CAPN8: variants seen among roughly 807,000 people sequenced by gnomAD.
CAPN8 encodes the protein calpain-8.
In CAPN8, 87 loss-of-function variants were observed where a neutral mutation model predicts 80.9. That is an observed-to-expected ratio of 1.07 (90% CI 0.90 to 1.28). The LOEUF (loss-of-function observed/expected upper bound fraction) is 1.28, where lower values mean the gene tolerates loss of function less well. CAPN8 is among the 50% of genes most tolerant of loss of function. CAPN8 has a pLI of 0.00. For missense variants in CAPN8, 757 were observed against 702.0 expected (o/e 1.08, Z -0.89); for synonymous variants, 299 against 273.8 (o/e 1.09, Z -0.91).
chr1:223,644,672 G>A (rs369151305), intron 2 of CAPN8, among the ~76,000 whole-genome samples: 124 of 152,252 alleles, frequency 8.1e-4, no homozygotes, highest in Admixed American at 1.2e-3. Context: ...GCTAGGAAAC[G>A]CAAGGCAGTC....
intron 19 of CAPN8, 122 bp downstream of exon 19, chr1:223,543,945 C>A: frequency 1.6e-6 from 1 of 628,036 alleles, no homozygotes; most frequent in South Asian, 1.9e-5. Flanking sequence ...GAAGCCCTGT[C>A]TATCATTTTC....
At chr1:223,614,511 A>G (rs1657115915) in intron 10 of CAPN8, among the ~76,000 whole-genome samples, 2 of 152,198 alleles carry the variant, frequency 1.3e-5, no homozygotes, top group African/African-American at 4.8e-5. Context: ...CAAGCTGCCA[A>G]GAAATGTCCT....
chr1:223,644,461 A>G (rs1265863221), intron 2 of CAPN8: 1 of 163,222 alleles, frequency 6.1e-6, no homozygotes, highest in East Asian at 1.8e-4. Flanking sequence ...CTTATTCTAC[A>G]GATATTTACT....
intron 14 of CAPN8, among the ~76,000 whole-genome samples, 187 bp downstream of exon 14, chr1:223,553,645 C>T (rs911781401): frequency 6.0e-4 from 91 of 152,260 alleles, no homozygotes; most frequent in African/African-American, 2.2e-3. Context: ...GACCAATTCC[C>T]AAGTGATGAA....
intron 1 of CAPN8, among the ~76,000 whole-genome samples, chr1:223,656,586 G>A (rs1333333304): frequency 4.0e-5 from 6 of 151,212 alleles, no homozygotes; most frequent in African/African-American, 1.2e-4. Flanking sequence ...CTCAGAGTCC[G>A]CACTGGTAGC....
intron 2 of CAPN8, among the ~76,000 whole-genome samples, chr1:223,638,360 G>T (rs544357255): frequency 2.0e-5 from 3 of 150,646 alleles, no homozygotes; most frequent in Non-Finnish European, 4.4e-5. Context: ...GACTGTATGG[G>T]GTGTGTGTGT....
At chr1:223,554,795 T>A (rs1179820143) in intron 13 of CAPN8, among the ~76,000 whole-genome samples, 3 of 152,188 alleles carry the variant, frequency 2.0e-5, no homozygotes, top group Admixed American at 1.3e-4. Flanking sequence ...CCAGACCATT[T>A]TCATGGGGCC....
chr1:223,616,880 C>A (rs910504566), intron 9 of CAPN8: 1 of 152,196 alleles, frequency 6.6e-6, no homozygotes, highest in African/African-American at 2.4e-5. Context: ...TGCCACACCA[C>A]GTATGGATAT....
chr1:223,609,297 G>A lies in CAPN8; in HGVS notation c.1391C>T (p.Thr464Ile). ...FFLAYQPSAR[T>I]STYVNLREVS... ...CTCCCGCAGGTTGACGTAGGTGCTGGTGCGGGCTGAGGGCTGGTAGGCCAG... is the reference window on the plus strand; with the variant it reads ...CTCCCGCAGGTTGACGTAGGTGCTGATGCGGGCTGAGGGCTGGTAGGCCAG... Residue 464 changes from threonine (T) to isoleucine (I), a missense_variant, in exon 12 of 21, where the codon ACC (threonine) becomes ATC (isoleucine). Physicochemically the swap from Thr to Ile is moderately conservative, Grantham distance 89 (BLOSUM62 -1). Coordinates refer to ENST00000366872, the MANE Select transcript of CAPN8 (RefSeq NM_001143962.2). 2.5e-6 allele frequency: 1 copy of A among 398,628 alleles called. No homozygotes were observed. The highest frequency in any genetic ancestry group is 4.4e-6 in the Non-Finnish European group (1 of 226,098). The allele number at this position is 398,628 out of a possible 1,614,324, so 24.7% of individuals were successfully genotyped here.
At chr1:223,613,672 T>G (rs1271561940) in intron 10 of CAPN8, among the ~76,000 whole-genome samples, 1 of 152,206 alleles carries the variant, frequency 6.6e-6, no homozygotes, top group African/African-American at 2.4e-5. Context: ...TGCAGGAAGA[T>G]AGAGGGGAGA....
chr1:223,626,875 T>A (rs1657596661), intron 5 of CAPN8, 114 bp downstream of exon 5: 1 of 1,120,384 alleles, frequency 8.9e-7, no homozygotes, highest in Non-Finnish European at 1.3e-6. Context: ...AGCTCCAGAC[T>A]CTGCTCTGAC....
intron 2 of CAPN8, among the ~76,000 whole-genome samples, chr1:223,642,323 T>A (rs1303899717): frequency 6.6e-6 from 1 of 152,260 alleles, no homozygotes; most frequent in Non-Finnish European, 1.5e-5. Context: ...GACTCATTTA[T>A]GGCAACTATA....
intron 2 of CAPN8, among the ~76,000 whole-genome samples, chr1:223,652,132 A>T (rs541908375): frequency 6.7e-6 from 1 of 150,084 alleles, no homozygotes; most frequent in African/African-American, 2.4e-5. Flanking sequence ...CAACTGTTTT[A>T]AAAAAATCCC....
rs538843112 is a variant in CAPN8, at chr1:223,627,972, C to A, written c.560+37G>T. On this transcript the variant is annotated intron_variant, in intron 4 of 20. Coordinates refer to ENST00000366872, the MANE Select transcript of CAPN8 (RefSeq NM_001143962.2). ...GGACAGGTGAGAGCTTTCAGGGAGG[C>A]TCTGGCGTCTCCCAGCTCCTGGCTT... 1.1e-4 allele frequency: 162 copies of A among 1,502,204 alleles called. 2 individuals are homozygous for A. In the South Asian group the frequency reaches 2.0e-3, roughly 19 times the overall value. 93.1% of individuals were successfully genotyped at this position (1,502,204 alleles called of 1,614,324 possible). A position where few individuals can be genotyped will look rare whatever the true frequency, so the allele number is the denominator to read the frequency against.
At chr1:223,621,997 G>A (rs749401154) in intron 7 of CAPN8, among the ~76,000 whole-genome samples, 1 of 152,028 alleles carries the variant, frequency 6.6e-6, no homozygotes, top group Non-Finnish European at 1.5e-5. Context: ...GTAGAGACGG[G>A]GTTTCACCAT....
chr1:223,645,154 G>T (rs995163753), intron 2 of CAPN8, among the ~76,000 whole-genome samples: 1 of 152,138 alleles, frequency 6.6e-6, no homozygotes, highest in African/African-American at 2.4e-5. Flanking sequence ...GAAGAACTTG[G>T]TGTCTGATGT....
At chr1:223,624,860 C>T (rs1298860337) in intron 6 of CAPN8, among the ~76,000 whole-genome samples, 2 of 152,004 alleles carry the variant, frequency 1.3e-5, no homozygotes, top group South Asian at 2.1e-4. Flanking sequence ...TTTGGGAGGT[C>T]GAGGCGGGCA....
At chr1:223,630,846 G>A (rs1208313514) in intron 2 of CAPN8, among the ~76,000 whole-genome samples, 2 of 152,196 alleles carry the variant, frequency 1.3e-5, no homozygotes, top group East Asian at 3.9e-4. Flanking sequence ...CCTCAAGCAG[G>A]GCAGTCTCTC....
chr1:223,631,018 A>C (rs1305947136), intron 2 of CAPN8, among the ~76,000 whole-genome samples: 2 of 152,158 alleles, frequency 1.3e-5, no homozygotes, highest in African/African-American at 4.8e-5. Flanking sequence ...CTAACAGGGC[A>C]TCAACACCCT....
Sources: gnomAD v4.1 joint callset for allele counts (sites outside exome capture counted in the v4.1 genomes callset) on GRCh38, gnomAD v4.1.1 for gene constraint, MANE v1.5 for transcripts, NCBI Gene and HGNC (gene_info 2026-07-23, HGNC 2026-07-21) for gene names.